The following NAALADL2 variants were observed in gnomAD, a reference collection of about 807,000 sequenced individuals.
NAALADL2 encodes the protein inactive N-acetylated-alpha-linked acidic dipeptidase-like protein 2.
A neutral mutation model predicts 87.2 loss-of-function variants in NAALADL2; 76 were observed. The ratio of observed to expected loss-of-function variants is 0.87; its 90% CI spans 0.72 to 1.05. The LOEUF is 1.05. Among genes scored for constraint, NAALADL2 ranks in the 50% least tolerant of loss-of-function variants. The probability of loss-of-function intolerance (pLI) is 0.00; values close to 1 mark genes in which losing one functional copy is unlikely to be tolerated. For missense variants in NAALADL2, 1,089 were observed against 945.8 expected, an observed-to-expected ratio of 1.15 and a Z score of -1.99; for synonymous variants, 354 against 331.0, an observed-to-expected ratio of 1.07 and a Z score of -0.75.
intron 1 of NAALADL2, among the ~76,000 whole-genome samples, chr3:174,532,753 T>G (rs1721357487): frequency 6.6e-6 from 1 of 152,164 alleles, no homozygotes; most frequent in Non-Finnish European, 1.5e-5. Context: ...AGCTTCAGCC[T>G]TTCTACTCAC....
chr3:174,829,740 G>A (rs1436184280), intron 3 of NAALADL2, among the ~76,000 whole-genome samples: 2 of 143,166 alleles, frequency 1.4e-5, no homozygotes, highest in East Asian at 2.0e-4. Flanking sequence ...CAACAGTGTA[G>A]AAGTGTTCCT....
chr3:174,590,638 A>C (rs561561999), intron 2 of NAALADL2, among the ~76,000 whole-genome samples: 1 of 152,270 alleles, frequency 6.6e-6, no homozygotes, highest in African/African-American at 2.4e-5. Flanking sequence ...CAGTAGTAAA[A>C]CATTAAGCTC....
chr3:175,151,663 T>C (rs950275747), intron 2 of NAALADL2, among the ~76,000 whole-genome samples: 1 of 152,088 alleles, frequency 6.6e-6, no homozygotes, highest in Non-Finnish European at 1.5e-5. Context: ...AACCCAATAA[T>C]GATTTGACTA....
At chr3:174,768,054 TAGGAG>T (rs1714072950) in intron 3 of NAALADL2, among the ~76,000 whole-genome samples, 1 of 152,182 alleles carries the variant, frequency 6.6e-6, no homozygotes, top group Admixed American at 6.5e-5. Flanking sequence ...ATAAACGTAC[TAGGAG>T]AAGCAAGTCA....
intron 1 of NAALADL2, among the ~76,000 whole-genome samples, chr3:174,892,833 A>G (rs1248319006): frequency 6.7e-6 from 1 of 150,318 alleles, no homozygotes; most frequent in African/African-American, 2.5e-5. Flanking sequence ...GAGGTGTGAC[A>G]CTCACTTGAA....
chr3:175,796,841 G>C (rs1401024807), intron 13 of NAALADL2, among the ~76,000 whole-genome samples: 1 of 151,910 alleles, frequency 6.6e-6, no homozygotes, highest in Non-Finnish European at 1.5e-5. Context: ...AATATAAGAA[G>C]GAACATTTGA....
At chr3:175,099,861 A>T (rs1580439516) in intron 2 of NAALADL2, among the ~76,000 whole-genome samples, 1 of 152,172 alleles carries the variant, frequency 6.6e-6, no homozygotes, top group Non-Finnish European at 1.5e-5. Context: ...ATCATCTAAT[A>T]GACATTGAGT....
intron 9 of NAALADL2, among the ~76,000 whole-genome samples, chr3:175,563,267 T>C (rs1716571183): frequency 6.6e-6 from 1 of 152,140 alleles, no homozygotes; most frequent in African/African-American, 2.4e-5. Context: ...TGATTGCTCT[T>C]TTGTATTTAT....
chr3:175,745,793 C>T (rs756258108), intron 12 of NAALADL2, among the ~76,000 whole-genome samples: 16 of 152,144 alleles, frequency 1.1e-4, no homozygotes, highest in Admixed American at 2.6e-4. Context: ...AGAGTAAGCG[C>T]ATAATAATCT....
intron 4 of NAALADL2, among the ~76,000 whole-genome samples, chr3:175,312,787 C>A (rs1758548711): frequency 6.6e-6 from 1 of 152,056 alleles, no homozygotes; most frequent in Admixed American, 6.6e-5. Context: ...GAGTAAAAAT[C>A]AACAAATAAG....
intron 2 of NAALADL2, among the ~76,000 whole-genome samples, chr3:175,195,110 A>G (rs9852804): frequency 0.031 from 4,633 of 151,750 alleles, 233 homozygotes; most frequent in African/African-American, 0.1. Flanking sequence ...ACATGGAACT[A>G]TCATTTATGC....
chr3:175,328,556 A>G (rs1464767063), intron 5 of NAALADL2, among the ~76,000 whole-genome samples: 1 of 152,144 alleles, frequency 6.6e-6, no homozygotes. Flanking sequence ...TTTCAACTGC[A>G]CTAAACTGTG....
chr3:175,480,502 G>T (rs1726300072), intron 9 of NAALADL2, among the ~76,000 whole-genome samples: 2 of 151,814 alleles, frequency 1.3e-5, no homozygotes, highest in African/African-American at 2.4e-5. Flanking sequence ...ATCTGTTTTA[G>T]AATCATAGCA....
chr3:174,728,676 A>G (rs559794651), intron 2 of NAALADL2, among the ~76,000 whole-genome samples: 40 of 152,194 alleles, frequency 2.6e-4, no homozygotes, highest in African/African-American at 9.6e-4. Flanking sequence ...ATATGAGGAA[A>G]TAAGCCTAAA....
chr3:174,781,160 A>G (rs1301039812), intron 3 of NAALADL2, among the ~76,000 whole-genome samples: 1 of 151,974 alleles, frequency 6.6e-6, no homozygotes, highest in African/African-American at 2.4e-5. Flanking sequence ...TGTTAGTCTT[A>G]CGGCTTCCCT....
intron 2 of NAALADL2, among the ~76,000 whole-genome samples, chr3:175,162,728 C>G (rs369830786): frequency 5.9e-5 from 9 of 152,162 alleles, no homozygotes; most frequent in African/African-American, 2.2e-4. Context: ...GAAATTTTGT[C>G]AAAGTAAAGC....
chr3:174,501,648 T>A (rs1718904191), intron 1 of NAALADL2, among the ~76,000 whole-genome samples: 1 of 152,166 alleles, frequency 6.6e-6, no homozygotes, highest in African/African-American at 2.4e-5. Context: ...TAAAGGAATT[T>A]TTTTCCATTT....
intron 1 of NAALADL2, among the ~76,000 whole-genome samples, chr3:174,958,134 CT>C (rs34174348): frequency 3.3e-4 from 48 of 147,528 alleles, no homozygotes; most frequent in Middle Eastern, 3.5e-3. Context: ...AATATCCAGA[CT>C]TTTTTTTTTT....
chr3:175,144,703 A>C (rs1438406854), intron 2 of NAALADL2, among the ~76,000 whole-genome samples: 1 of 151,722 alleles, frequency 6.6e-6, no homozygotes, highest in Non-Finnish European at 1.5e-5. Context: ...GCAGCCCTTC[A>C]GGTTTATTCT....
Sources: allele counts gnomAD v4.1 joint callset (sites outside exome capture counted in the v4.1 genomes callset), GRCh38; gene constraint gnomAD v4.1.1; transcripts MANE v1.5; gene names NCBI Gene and HGNC (gene_info 2026-07-23, HGNC 2026-07-21).